The following CENPW variants were observed in gnomAD, a reference collection of about 807,000 sequenced individuals.
The protein encoded by CENPW is cancer-up-regulated gene 2 protein.
Under a neutral mutation model 11.1 loss-of-function variants are expected in CENPW, and 3 were observed. That is an observed-to-expected ratio of 0.27 (90% confidence interval 0.12 to 0.70). The LOEUF (loss-of-function observed/expected upper bound fraction) is 0.70, where lower values mean the gene tolerates loss of function less well. Ranked by LOEUF, CENPW falls within the 30% of genes least tolerant of loss-of-function variation. The probability of loss-of-function intolerance (pLI) is 0.77; values close to 1 mark genes in which losing one functional copy is unlikely to be tolerated. For missense variants in CENPW, 100 were observed against 105.6 expected (o/e 0.95, Z 0.23); for synonymous variants, 38 against 42.0 (o/e 0.91, Z 0.37).
At chr6:126,398,694 A>G in the CENPW span, among the ~76,000 whole-genome samples, 1 of 151,990 alleles carries the variant, frequency 6.6e-6, no homozygotes, top group Non-Finnish European at 1.5e-5. Flanking sequence ...CAGGGGATAC[A>G]TGTGGAGATT....
chr6:126,439,201 C>T, the CENPW span, among the ~76,000 whole-genome samples: 2 of 151,740 alleles, frequency 1.3e-5, no homozygotes, highest in East Asian at 1.9e-4. Context: ...ATGGAAGATA[C>T]ATTCTATAGT....
the CENPW span, among the ~76,000 whole-genome samples, chr6:126,456,088 A>G: frequency 6.6e-6 from 1 of 151,306 alleles, no homozygotes; most frequent in African/African-American, 2.4e-5. Flanking sequence ...AAATCATTTT[A>G]TACTCATGGA....
chr6:126,423,155 G>T, the CENPW span, among the ~76,000 whole-genome samples: 1 of 151,862 alleles, frequency 6.6e-6, no homozygotes. Context: ...TCTAGTGGCT[G>T]TAGAATTTTT....
At chr6:126,436,884 C>T in the CENPW span, among the ~76,000 whole-genome samples, 18 of 151,886 alleles carry the variant, frequency 1.2e-4, no homozygotes, top group South Asian at 2.1e-4. Flanking sequence ...CCTAGATTAA[C>T]GTATTAATTC....
the CENPW span, among the ~76,000 whole-genome samples, chr6:126,437,544 C>T: frequency 6.6e-6 from 1 of 151,876 alleles, no homozygotes; most frequent in Non-Finnish European, 1.5e-5. Context: ...ATAGTGTCTT[C>T]TGGATTTCTT....
chr6:126,475,273 T>C, the CENPW span, among the ~76,000 whole-genome samples: 1 of 152,040 alleles, frequency 6.6e-6, no homozygotes, highest in South Asian at 2.1e-4. Flanking sequence ...TCTTAGCTAT[T>C]GTAAACAGTG....
chr6:126,401,646 T>G, the CENPW span, among the ~76,000 whole-genome samples: 1 of 152,192 alleles, frequency 6.6e-6, no homozygotes, highest in East Asian at 1.9e-4. Context: ...TCTCAGTGGC[T>G]TAAGGCTTTT....
the CENPW span, among the ~76,000 whole-genome samples, chr6:126,388,427 C>A: frequency 1.3e-5 from 2 of 151,918 alleles, no homozygotes; most frequent in Non-Finnish European, 2.9e-5. Flanking sequence ...TGGTCTCTTC[C>A]CTCCAGCACC....
At chr6:126,429,410 A>G in the CENPW span, among the ~76,000 whole-genome samples, 2 of 152,114 alleles carry the variant, frequency 1.3e-5, no homozygotes, top group Non-Finnish European at 2.9e-5. Flanking sequence ...TGGATTCCCC[A>G]TCCCTTGGTG....
At chr6:126,467,525 A>T in the CENPW span, among the ~76,000 whole-genome samples, 1 of 152,210 alleles carries the variant, frequency 6.6e-6, no homozygotes, top group Admixed American at 6.5e-5. Flanking sequence ...AGCCTACTGA[A>T]AAAGCTTCCA....
the CENPW span, among the ~76,000 whole-genome samples, chr6:126,464,458 C>T: frequency 6.6e-6 from 1 of 152,060 alleles, no homozygotes; most frequent in East Asian, 1.9e-4. Flanking sequence ...GAGGTAGGCC[C>T]ACCCTCAATC....
chr6:126,411,957 CCTCT>C, the CENPW span, among the ~76,000 whole-genome samples: 18 of 49,620 alleles, frequency 3.6e-4, no homozygotes, highest in Non-Finnish European at 6.7e-4. Flanking sequence ...TTCCTCCCTC[CCTCT>C]CTCTCTCCTT....
chr6:126,447,966 C>T, the CENPW span, among the ~76,000 whole-genome samples: 12 of 151,398 alleles, frequency 7.9e-5, no homozygotes, highest in African/African-American at 2.7e-4. Flanking sequence ...ATGTATTATT[C>T]GCTTCCTGTT....
At position 126,340,196 on chromosome 6, in the gene CENPW, T is replaced by C. The variant is rs1275976678; in HGVS notation, c.-78T>C. The stretch of plus-strand genomic sequence containing the variant: ...GTCATACGGACCGGATTGTTTTCGC[T>C]GGCCCAGTGTCCCCGGAGCTTGTGT... On this transcript the variant is annotated 5_prime_UTR_variant, in exon 1 of 3. Coordinates refer to ENST00000368328, the MANE Select transcript of CENPW (RefSeq NM_001012507.4). 74 of 1,372,040 alleles carry C rather than the reference T, an allele frequency of 5.4e-5. No individual in the cohort carries two copies. The highest frequency in any genetic ancestry group is 7.6e-5 in the Non-Finnish European group (74 of 975,496). 85.0% of individuals were successfully genotyped at this position (1,372,040 alleles called of 1,614,324 possible).
At chr6:126,453,589 T>C in the CENPW span, among the ~76,000 whole-genome samples, 5 of 151,022 alleles carry the variant, frequency 3.3e-5, no homozygotes, top group Non-Finnish European at 7.4e-5. Flanking sequence ...TTCCTACTGG[T>C]CACCACAAAA....
the CENPW span, among the ~76,000 whole-genome samples, chr6:126,452,059 C>T: frequency 2.6e-5 from 4 of 151,010 alleles, no homozygotes; most frequent in Non-Finnish European, 4.5e-5. Flanking sequence ...AAGGCTTTGA[C>T]AACTGAAGTG....
the CENPW span, among the ~76,000 whole-genome samples, chr6:126,385,790 C>T: frequency 6.6e-6 from 1 of 152,102 alleles, no homozygotes; most frequent in African/African-American, 2.4e-5. Flanking sequence ...CCTTCGCTTT[C>T]TGCCATTATT....
At chr6:126,408,353 C>T in the CENPW span, among the ~76,000 whole-genome samples, 1 of 152,182 alleles carries the variant, frequency 6.6e-6, no homozygotes, top group Non-Finnish European at 1.5e-5. Context: ...AAAGGCATGT[C>T]TTACATGCTG....
At chr6:126,413,846 T>G in the CENPW span, among the ~76,000 whole-genome samples, 1 of 152,030 alleles carries the variant, frequency 6.6e-6, no homozygotes, top group Non-Finnish European at 1.5e-5. Flanking sequence ...ATAAATGGAT[T>G]AAATCCCCCA....
Sources: allele counts gnomAD v4.1 joint callset (sites outside exome capture counted in the v4.1 genomes callset), GRCh38; gene constraint gnomAD v4.1.1; transcripts MANE v1.5; gene names NCBI Gene and HGNC (gene_info 2026-07-23, HGNC 2026-07-21).